BMPR1A: variants seen among roughly 807,000 people sequenced by gnomAD.
BMPR1A encodes the protein bone morphogenetic protein receptor type 1A, also known as bone morphogenetic protein receptor type-1A.
In BMPR1A, 7 loss-of-function variants were observed where a neutral mutation model predicts 66.0. That is an observed-to-expected ratio of 0.11 (90% CI 0.06 to 0.20). The LOEUF (loss-of-function observed/expected upper bound fraction) is 0.20, where lower values mean the gene tolerates loss of function less well. Among genes scored for constraint, BMPR1A ranks in the 10% least tolerant of loss-of-function variants. The probability of loss-of-function intolerance (pLI) is 1.00; values close to 1 mark genes in which losing one functional copy is unlikely to be tolerated. For synonymous variants in BMPR1A, 200 were observed against 229.7 expected, an observed-to-expected ratio of 0.87 and a Z score of 1.17; for missense variants, 408 against 669.1, an observed-to-expected ratio of 0.61 and a Z score of 4.31.
chr10:86,825,916 C>T (rs1438423973), intron 1 of BMPR1A, among the ~76,000 whole-genome samples: 3 of 152,114 alleles, frequency 2.0e-5, no homozygotes, highest in Admixed American at 6.5e-5. Flanking sequence ...GTTTATTAAA[C>T]TTTGTGGTAG....
intron 2 of BMPR1A, among the ~76,000 whole-genome samples, chr10:86,842,857 G>A (rs1031215554): frequency 6.6e-6 from 1 of 151,794 alleles, no homozygotes; most frequent in Non-Finnish European, 1.5e-5. Flanking sequence ...CTTGTGAGAC[G>A]TATTCACTAC....
At chr10:86,813,910 A>G (rs1285419272) in intron 1 of BMPR1A, among the ~76,000 whole-genome samples, 1 of 152,176 alleles carries the variant, frequency 6.6e-6, no homozygotes, top group Non-Finnish European at 1.5e-5. Flanking sequence ...TAATATGTAT[A>G]ATGTTTATAC....
chr10:86,831,158 C>T (rs1454912596), intron 1 of BMPR1A, among the ~76,000 whole-genome samples: 11 of 152,214 alleles, frequency 7.2e-5, no homozygotes, highest in Non-Finnish European at 1.0e-4. Flanking sequence ...GTTGTTTTCA[C>T]TTCTTCGTCT....
downstream of BMPR1A, chr10:86,931,759 TTC>T (rs2133667156): frequency 6.6e-6 from 1 of 152,312 alleles, no homozygotes; most frequent in South Asian, 2.1e-4. Flanking sequence ...AATATATTCA[TTC>T]TGTTTCTTAG....
At chr10:86,783,430 T>C (rs1841467018) in intron 1 of BMPR1A, among the ~76,000 whole-genome samples, 1 of 152,234 alleles carries the variant, frequency 6.6e-6, no homozygotes, top group Non-Finnish European at 1.5e-5. Context: ...GTAGATTACT[T>C]TGGATAGTAT....
intron 1 of BMPR1A, among the ~76,000 whole-genome samples, chr10:86,809,595 C>CTTTTTTTTTT (rs71019431): frequency 3.2e-5 from 4 of 123,884 alleles, no homozygotes; most frequent in African/African-American, 3.2e-5. Flanking sequence ...CACCCGACCT[C>CTTTTTTTTTT]TTTTTTTTTT....
rs751560984 is a variant in BMPR1A at position 86,919,490 on chromosome 10, C to T, written c.1166+21C>T. The T allele has an allele frequency of 1.1e-5, 17 of 1,612,294 alleles. No individual in the cohort carries two copies. In the South Asian group the frequency reaches 1.6e-4, roughly 16 times the overall value. On this transcript the variant is annotated intron_variant, in intron 10 of 12. Coordinates refer to ENST00000372037, the MANE Select transcript of BMPR1A (RefSeq NM_004329.3). Reference sequence around the variant, plus strand: ...AACAGGTGAGTGGTTCTTTGCCCCACTGTTTTGAAATTATTTTAATTTCCA... The same window carrying T: ...AACAGGTGAGTGGTTCTTTGCCCCATTGTTTTGAAATTATTTTAATTTCCA...
At chr10:86,889,538 C>T (rs1037377751) in intron 3 of BMPR1A, 1 of 154,494 alleles carries the variant, frequency 6.5e-6, no homozygotes, top group Non-Finnish European at 1.4e-5. Context: ...GTCTCTCCCC[C>T]TTTTGTACCT....
chr10:86,790,212 T>A lies in BMPR1A; in HGVS notation c.-268+33293T>A, dbSNP rs1473950559. ...AAATATATATATATATATATATATATATATATATATATATATATATATATC... is the reference window on the plus strand; with the variant it reads ...AAATATATATATATATATATATATAAATATATATATATATATATATATATC... On this transcript the variant is annotated intron_variant, in intron 1 of 12. Transcript: ENST00000372037. Among the ~76,000 whole-genome samples, 117 of 76,758 alleles carry A rather than the reference T, an allele frequency of 1.5e-3. 22 individuals are homozygous for A. The highest frequency in any genetic ancestry group is 1.9e-3 in the Non-Finnish European group (79 of 41,764). The allele number at this position is 76,758 out of a possible 152,430, so 50.4% of individuals were successfully genotyped here.
At chr10:86,898,956 A>G (rs973662753) in intron 5 of BMPR1A, among the ~76,000 whole-genome samples, 4 of 152,210 alleles carry the variant, frequency 2.6e-5, no homozygotes, top group African/African-American at 9.7e-5. Flanking sequence ...GACATTTCCA[A>G]ATGCTCTTGA....
At chr10:86,791,609 GAAGA>G (rs1841620309) in intron 1 of BMPR1A, among the ~76,000 whole-genome samples, 1 of 147,576 alleles carries the variant, frequency 6.8e-6, no homozygotes, top group African/African-American at 2.5e-5. Flanking sequence ...ATGAACTAAT[GAAGA>G]AAAAAAAAAA....
chr10:86,773,695 A>G (rs1459854311), intron 1 of BMPR1A, among the ~76,000 whole-genome samples: 2 of 151,896 alleles, frequency 1.3e-5, no homozygotes, highest in Non-Finnish European at 2.9e-5. Context: ...AAACACTGAA[A>G]TTATACATCT....
chr10:86,855,841 A>G, intron 2 of BMPR1A: 1 of 890,056 alleles, frequency 1.1e-6, no homozygotes, highest in Non-Finnish European at 1.8e-6. Context: ...GCTCATTATC[A>G]CTGCTGCTGT....
intron 4 of BMPR1A, among the ~76,000 whole-genome samples, chr10:86,890,638 T>C (rs938163870): frequency 6.6e-6 from 1 of 152,156 alleles, no homozygotes; most frequent in African/African-American, 2.4e-5. Context: ...CTTGCTATGT[T>C]GCCCAGGCTG....
At chr10:86,785,816 C>G (rs1841506433) in intron 1 of BMPR1A, among the ~76,000 whole-genome samples, 1 of 152,164 alleles carries the variant, frequency 6.6e-6, no homozygotes, top group South Asian at 2.1e-4. Context: ...TGCACTTGCA[C>G]CTTTACAGCT....
intron 1 of BMPR1A, among the ~76,000 whole-genome samples, chr10:86,781,035 T>G (rs1841429492): frequency 6.6e-6 from 1 of 152,096 alleles, no homozygotes; most frequent in Admixed American, 6.6e-5. Context: ...TTTAATCTAA[T>G]ATATCCCTAA....
At chr10:86,904,844 T>C (rs1194245628) in intron 7 of BMPR1A, among the ~76,000 whole-genome samples, 1 of 152,228 alleles carries the variant, frequency 6.6e-6, no homozygotes, top group African/African-American at 2.4e-5. Flanking sequence ...AGTTCTAAAC[T>C]AAATACTACA....
At chr10:86,832,024 A>G (rs573651748) in intron 1 of BMPR1A, among the ~76,000 whole-genome samples, 2 of 152,342 alleles carry the variant, frequency 1.3e-5, no homozygotes, top group Admixed American at 1.3e-4. Flanking sequence ...GTTCACTGTG[A>G]TAAGTGCACA....
intron 1 of BMPR1A, among the ~76,000 whole-genome samples, chr10:86,803,133 A>G (rs1841835938): frequency 1.3e-5 from 2 of 152,212 alleles, no homozygotes; most frequent in South Asian, 2.1e-4. Context: ...GATGGGTAGA[A>G]TAAAATATAC....
Sources: gnomAD v4.1 joint callset for allele counts (sites outside exome capture counted in the v4.1 genomes callset) on GRCh38, gnomAD v4.1.1 for gene constraint, MANE v1.5 for transcripts, NCBI Gene and HGNC (gene_info 2026-07-23, HGNC 2026-07-21) for gene names.